Variants in PLXNA4 observed in about 807,000 individuals in gnomAD.
PLXNA4 encodes plexin A4.
Under a neutral mutation model 191.8 loss-of-function variants are expected in PLXNA4, and 44 were observed. That is an observed-to-expected ratio of 0.23 (90% CI 0.18 to 0.29). PLXNA4 has a LOEUF of 0.29. PLXNA4 is among the 10% of genes least tolerant of loss of function. The pLI is 1.00. For synonymous variants in PLXNA4, 1,082 were observed against 1,009.5 expected, an observed-to-expected ratio of 1.07 and a Z score of -1.36; for missense variants, 1,800 against 2,488.8, an observed-to-expected ratio of 0.72 and a Z score of 5.89.
chr7:132,517,569 A>T (rs1798990927), intron 1 of PLXNA4, among the ~76,000 whole-genome samples: 1 of 152,190 alleles, frequency 6.6e-6, no homozygotes, highest in African/African-American at 2.4e-5. Context: ...CAGAGCTGGG[A>T]TTCAAACGTA....
At chr7:132,461,353 G>A (rs1300598947) in intron 3 of PLXNA4, among the ~76,000 whole-genome samples, 4 of 152,148 alleles carry the variant, frequency 2.6e-5, no homozygotes, top group Non-Finnish European at 5.9e-5. Flanking sequence ...AAAAAAGAAA[G>A]TGACAGACGC....
chr7:132,628,982 A>G (rs1405786336), intron 2 of PLXNA4, among the ~76,000 whole-genome samples: 2 of 152,348 alleles, frequency 1.3e-5, no homozygotes, highest in Admixed American at 6.5e-5. Context: ...GTCTATTTAT[A>G]TTCAAGAGTG....
At chr7:132,280,395 A>C (rs151008065) in intron 4 of PLXNA4, among the ~76,000 whole-genome samples, 53 of 152,354 alleles carry the variant, frequency 3.5e-4, no homozygotes, top group African/African-American at 1.2e-3. Context: ...AGACATAATG[A>C]GAAAAGGCAA....
intron 3 of PLXNA4, among the ~76,000 whole-genome samples, chr7:132,431,902 G>A (rs931556689): frequency 2.6e-5 from 4 of 152,182 alleles, no homozygotes; most frequent in African/African-American, 4.8e-5. Context: ...CACCTGAGAC[G>A]AGGATAGGAC....
intron 3 of PLXNA4, among the ~76,000 whole-genome samples, chr7:132,441,247 T>C (rs1275566914): frequency 6.6e-6 from 1 of 152,194 alleles, no homozygotes; most frequent in Non-Finnish European, 1.5e-5. Flanking sequence ...CAACAAAAGG[T>C]AAATTCGATG....
At chr7:132,462,807 A>G (rs1249507887) in intron 3 of PLXNA4, among the ~76,000 whole-genome samples, 2 of 123,626 alleles carry the variant, frequency 1.6e-5, no homozygotes, top group Non-Finnish European at 3.4e-5. Flanking sequence ...CTTGTTTTAT[A>G]TTTTCCACAA....
At chr7:132,384,402 G>A (rs151268541) in intron 3 of PLXNA4, 16 of 985,440 alleles carry the variant, frequency 1.6e-5, no homozygotes, top group East Asian at 2.3e-4. Flanking sequence ...CACTTCCTTC[G>A]CCACTCACCT....
chr7:132,568,466 C>T (rs1306254414), intron 1 of PLXNA4, among the ~76,000 whole-genome samples: 1 of 152,176 alleles, frequency 6.6e-6, no homozygotes, highest in African/African-American at 2.4e-5. Context: ...CCCTGTCTTG[C>T]CATCTGACTC....
chr7:132,646,450 C>T (rs1803871839), intron 1 of PLXNA4, among the ~76,000 whole-genome samples: 1 of 152,066 alleles, frequency 6.6e-6, no homozygotes, highest in African/African-American at 2.4e-5. Context: ...GAGATGGGGC[C>T]TTTGGTAGCT....
chr7:132,355,511 A>C (rs1307192177), intron 3 of PLXNA4, among the ~76,000 whole-genome samples: 1 of 152,194 alleles, frequency 6.6e-6, no homozygotes, highest in African/African-American at 2.4e-5. Context: ...AAGTCTGGAC[A>C]AATGAGACTG....
At chr7:132,491,482 C>T (rs1255602821) in intron 2 of PLXNA4, among the ~76,000 whole-genome samples, 2 of 152,168 alleles carry the variant, frequency 1.3e-5, no homozygotes, top group Non-Finnish European at 2.9e-5. Flanking sequence ...AGAGTAGGGA[C>T]AGTCAGAGCG....
chr7:132,459,869 C>G (rs967335573), intron 3 of PLXNA4, among the ~76,000 whole-genome samples: 18 of 152,288 alleles, frequency 1.2e-4, no homozygotes, highest in African/African-American at 4.3e-4. Flanking sequence ...TTGGAGTTGA[C>G]TAAATTGTGA....
chr7:132,179,962 G>T (rs570980384), intron 19 of PLXNA4, 41 bp from the exon 20 acceptor site: 4 of 1,560,374 alleles, frequency 2.6e-6, no homozygotes, highest in Non-Finnish European at 3.5e-6. Flanking sequence ...GTGTGGGGAC[G>T]CAGCAGCTTT....
In PLXNA4 at chr7:132,516,220, TTTTATTTATTTATTTA is replaced by T. The variant is rs58035948; in HGVS notation, c.-86-7457_-86-7442del. Among the ~76,000 whole-genome samples the T allele has an allele frequency of 2.5e-4, 37 of 148,318 alleles. 1 individual carries two copies. In the South Asian group the frequency reaches 2.8e-3, roughly 11 times the overall value. On this transcript the variant is annotated intron_variant, in intron 1 of 31. Transcript: ENST00000321063. ...ATACTTAAAATACTCCATTTTGTCCTTTTATTTATTTATTTATTTATTTATTTATTTATTTATTTAT... is the reference window on the plus strand; with the variant it reads ...ATACTTAAAATACTCCATTTTGTCCTTTTATTTATTTATTTATTTATTTAT...
intron 1 of PLXNA4, among the ~76,000 whole-genome samples, chr7:132,517,492 T>C (rs1798989063): frequency 6.6e-6 from 1 of 152,136 alleles, no homozygotes; most frequent in African/African-American, 2.4e-5. Context: ...AAACTGTGGA[T>C]TTGTGTGTGA....
intron 12 of PLXNA4, 128 bp downstream of exon 12, chr7:132,202,518 G>A: frequency 9.9e-7 from 1 of 1,007,634 alleles, no homozygotes; most frequent in Admixed American, 3.2e-5. Context: ...ATCCAGCCAG[G>A]CAGAGCAACC....
chr7:132,544,438 G>T (rs944813480), intron 1 of PLXNA4, among the ~76,000 whole-genome samples: 4 of 152,262 alleles, frequency 2.6e-5, no homozygotes, highest in African/African-American at 9.6e-5. Context: ...GAAGGAGAAA[G>T]CTCCCAGAGC....
chr7:132,369,267 C>A (rs548999048), intron 3 of PLXNA4, among the ~76,000 whole-genome samples: 1 of 152,290 alleles, frequency 6.6e-6, no homozygotes, highest in East Asian at 1.9e-4. Flanking sequence ...CCAGAGCCAC[C>A]CAGGTGCCAG....
chr7:132,236,456 C>G (rs1410540583), intron 5 of PLXNA4, among the ~76,000 whole-genome samples: 1 of 152,192 alleles, frequency 6.6e-6, no homozygotes, highest in Non-Finnish European at 1.5e-5. Flanking sequence ...CCGTCCTGGT[C>G]TTCCTGAGTG....
Sources: allele counts gnomAD v4.1 joint callset (sites outside exome capture counted in the v4.1 genomes callset), GRCh38; gene constraint gnomAD v4.1.1; transcripts MANE v1.5; gene names NCBI Gene and HGNC (gene_info 2026-07-23, HGNC 2026-07-21).